AATK: variants seen among roughly 807,000 people sequenced by gnomAD.
AATK encodes the protein lemur tail kinase 1, also known as serine/threonine-protein kinase LMTK1.
AATK carries 91 observed loss-of-function variants against 114.3 expected under a neutral mutation model. That is an observed-to-expected ratio of 0.80 (90% CI 0.67 to 0.95). The LOEUF (loss-of-function observed/expected upper bound fraction) is 0.95. Among genes scored for constraint, AATK ranks in the 40% least tolerant of loss-of-function variants. The pLI is 0.00. For synonymous variants in AATK, 1,075 were observed against 916.5 expected (o/e 1.17, Z -3.12); for missense variants, 2,176 against 1,965.2 (o/e 1.11, Z -2.03).
chr17:81,120,419 C>T lies in AATK; in HGVS notation c.3517G>A (p.Glu1173Lys), dbSNP rs1026276034. 1.1e-5 allele frequency: 18 copies of T among 1,584,946 alleles called. No individual in the cohort carries two copies. Among genetic ancestry groups the T allele is most frequent in the Admixed American group, 1.7e-5 (1 of 58,052 alleles). Reference protein sequence around the residue: ...EDSEDSDESDEELRCYSVQEP... With the variant: ...EDSEDSDESDKELRCYSVQEP... ...TGGACGCTGTAGCAGCGGAGCTCCT[C>T]GTCAGACTCGTCGCTGTCCTCACTG... Residue 1173 changes from glutamate (E) to lysine (K), a missense_variant, in exon 11 of 14, where the codon GAG (glutamate) becomes AAG (lysine). Glu to Lys is a moderately conservative substitution (Grantham distance 56). Coordinates refer to ENST00000326724, the MANE Select transcript of AATK (RefSeq NM_001080395.3).
intron 6 of AATK, 85 bp downstream of exon 6, chr17:81,127,498 G>A (rs2060859313): frequency 7.4e-7 from 1 of 1,344,462 alleles, no homozygotes; most frequent in Non-Finnish European, 1.0e-6. Context: ...AGGCCCCCAA[G>A]GAGGGGGTGG....
At chr17:81,165,074 G>A (rs1203369065) in intron 1 of AATK, among the ~76,000 whole-genome samples, 1 of 152,260 alleles carries the variant, frequency 6.6e-6, no homozygotes, top group East Asian at 1.9e-4. Flanking sequence ...CCCCAGTGAC[G>A]TGTGGGTGGG....
At chr17:81,148,064 CAAAAAAAAA>C (rs35731140) in intron 1 of AATK, among the ~76,000 whole-genome samples, 11 of 101,834 alleles carry the variant, frequency 1.1e-4, no homozygotes, top group Admixed American at 8.6e-4. Context: ...ACAACTTTGT[CAAAAAAAAA>C]AAAAAAAAAA....
At chr17:81,118,503 C>T (rs538009652) in intron 13 of AATK, 61 bp from the exon 14 acceptor site, 198 of 1,551,754 alleles carry the variant, frequency 1.3e-4, no homozygotes, top group Middle Eastern at 1.7e-4. Flanking sequence ...GCCTCCCCCG[C>T]AACTCCCACC....
chr17:81,141,953 T>TTTCC (rs200510786), intron 1 of AATK, among the ~76,000 whole-genome samples: 10 of 126,054 alleles, frequency 7.9e-5, no homozygotes, highest in Admixed American at 7.5e-4. Flanking sequence ...CCTTCCTTCC[T>TTTCC]TTCCTTCCTT....
rs2060582162 is a variant in AATK at position 81,117,635 on chromosome 17, A to G, written c.*767T>C. ...GGCACAGGACCAGATACTGCCCCACAGAGGGGAGCTGCCTGCACGGTCCTG... is the reference window on the plus strand; with the variant it reads ...GGCACAGGACCAGATACTGCCCCACGGAGGGGAGCTGCCTGCACGGTCCTG... On this transcript the variant is annotated 3_prime_UTR_variant, in exon 14 of 14. Transcript: ENST00000326724. 2.0e-5 allele frequency: 3 copies of G among 152,230 alleles called. No individual in the cohort carries two copies. Among genetic ancestry groups the G allele is most frequent in the Non-Finnish European group, 2.9e-5 (2 of 68,100 alleles). The allele number at this position is 152,230 out of a possible 1,614,324, so 9.4% of individuals were successfully genotyped here.
chr17:81,125,021 G>T lies in AATK; in HGVS notation c.756-7C>A. On this transcript the variant is annotated splice_polypyrimidine_tract_variant and splice_region_variant and intron_variant, in intron 7 of 13. Transcript: ENST00000326724. ...GTTCCGCAGGGCCAGGTCGCTGCAG[G>T]CAGGGGCAGGGGCAGGGGCAGGGTG... 1 of 1,474,956 alleles carries T rather than the reference G, an allele frequency of 6.8e-7. No homozygotes were observed. Among genetic ancestry groups the T allele is most frequent in the Non-Finnish European group, 9.0e-7 (1 of 1,110,766 alleles). 91.4% of individuals were successfully genotyped at this position (1,474,956 alleles called of 1,614,324 possible). A position where few individuals can be genotyped will look rare whatever the true frequency, so the allele number is the denominator to read the frequency against.
intron 1 of AATK, among the ~76,000 whole-genome samples, chr17:81,158,324 C>A (rs181061075): frequency 3.3e-5 from 5 of 152,352 alleles, no homozygotes; most frequent in Admixed American, 2.6e-4. Flanking sequence ...TCAGGGACAC[C>A]TGCCTCTGGG....
At chr17:81,133,929 T>A (rs750066494) in intron 2 of AATK, among the ~76,000 whole-genome samples, 1 of 152,154 alleles carries the variant, frequency 6.6e-6, no homozygotes, top group African/African-American at 2.4e-5. Flanking sequence ...GAAGCTTGTC[T>A]GGGCAGCCCG....
Position 81,153,263 on chromosome 17 carries a change from C to G in AATK, c.55+12675G>C, listed in dbSNP as rs535568863. On this transcript the variant is annotated intron_variant, in intron 1 of 13. Transcript: ENST00000326724. ...TGGGAAAAGTACAGCACCTTATCAA[C>G]ATTTATTTGAAGATGTGGTGGACTT... 2.2e-3 allele frequency among the ~76,000 whole-genome samples: 337 copies of G among 152,286 alleles called. 3 individuals are homozygous for G. Among genetic ancestry groups the G allele is most frequent in the South Asian group, 7.5e-3 (36 of 4,820 alleles).
chr17:81,130,113 A>G lies in AATK; in HGVS notation c.334+948T>C, dbSNP rs186713839. On this transcript the variant is annotated intron_variant, in intron 3 of 13. Transcript: ENST00000326724. ...CTCAGGGTCCAGCCAGGCACGGCTC[A>G]GAGCAGGTGAGGTGGCCTGCATGGC... 2.9e-3 allele frequency among the ~76,000 whole-genome samples: 440 copies of G among 152,376 alleles called. 1 individual carries two copies. The highest frequency in any genetic ancestry group is 3.8e-3 in the Non-Finnish European group (258 of 68,036).
At chr17:81,132,566 G>A (rs188302136) in intron 2 of AATK, 125 of 187,340 alleles carry the variant, frequency 6.7e-4, no homozygotes, top group African/African-American at 7.2e-4. Context: ...TCCCAGCCCC[G>A]GCCTGGCCCC....
intron 1 of AATK, chr17:81,160,177 C>T: frequency 2.4e-6 from 2 of 844,650 alleles, no homozygotes; most frequent in Non-Finnish European, 2.9e-6. Flanking sequence ...GGCCACGGCC[C>T]CCACCCCCAG....
intron 12 of AATK, 53 bp from the exon 13 acceptor site, chr17:81,119,633 G>A (rs1380447685): frequency 4.6e-6 from 6 of 1,317,258 alleles, no homozygotes; most frequent in African/African-American, 3.5e-5. Context: ...ACCCCGGCCC[G>A]GCCCCGCTCC....
At chr17:81,123,675 A>AG (rs1006959039) in intron 9 of AATK, among the ~76,000 whole-genome samples, 47 of 102,646 alleles carry the variant, frequency 4.6e-4, no homozygotes, top group African/African-American at 1.7e-3. Flanking sequence ...GGGGAGCTGG[A>AG]GGGCGGGCGT....
At chr17:81,143,998 C>G (rs1038496615) in intron 1 of AATK, among the ~76,000 whole-genome samples, 1 of 152,190 alleles carries the variant, frequency 6.6e-6, no homozygotes, top group African/African-American at 2.4e-5. Context: ...CTTCCTCCAC[C>G]CAAGCTGCCT....
chr17:81,131,795 C>A (rs1598931170), intron 2 of AATK: 1 of 1,262,076 alleles, frequency 7.9e-7, no homozygotes, highest in Non-Finnish European at 1.0e-6. Context: ...GCCCCACAGT[C>A]CTGTGGGAGA....
chr17:81,148,761 C>T (rs1056644988), intron 1 of AATK, among the ~76,000 whole-genome samples: 4 of 152,116 alleles, frequency 2.6e-5, no homozygotes, highest in South Asian at 2.1e-4. Context: ...CAAATGCACA[C>T]GCTCCCACTC....
intron 1 of AATK, among the ~76,000 whole-genome samples, chr17:81,141,929 TTCC>T (rs2061144106): frequency 7.1e-5 from 2 of 28,002 alleles, no homozygotes; most frequent in Non-Finnish European, 1.7e-4. Context: ...CCTTCCTTCC[TTCC>T]TTCCTTCCTT....
Sources: allele counts gnomAD v4.1 joint callset (sites outside exome capture counted in the v4.1 genomes callset), GRCh38; gene constraint gnomAD v4.1.1; transcripts MANE v1.5; gene names NCBI Gene and HGNC (gene_info 2026-07-23, HGNC 2026-07-21).